Variants in MAGEC3 observed in about 807,000 individuals in gnomAD.
MAGEC3 encodes the protein MAGE family member C3.
MAGEC3 carries 34 observed loss-of-function variants against 35.3 expected under a neutral mutation model. The observed-to-expected ratio is 0.96, with a 90% CI of 0.73 to 1.28. The LOEUF is 1.28. Among genes scored for constraint, MAGEC3 ranks in the 50% most tolerant of loss-of-function variants. The pLI, the probability that MAGEC3 is intolerant of heterozygous loss-of-function variation, is 0.00. For synonymous variants in MAGEC3, 202 were observed against 185.6 expected (o/e 1.09, Z -0.72); for missense variants, 561 against 483.6 (o/e 1.16, Z -1.50).
intron 2 of MAGEC3, among the ~76,000 whole-genome samples, chrX:141,869,141 C>T (rs945934002): frequency 1.8e-5 from 2 of 110,847 alleles, no homozygotes; most frequent in South Asian, 7.5e-4. Flanking sequence ...GCCTCGGTCT[C>T]CCAAAGTGCT....
At position 141,852,333 on chromosome X, in the gene MAGEC3, TG is replaced by T. The variant is rs781200008; in HGVS notation, c.124-13137del. Among the ~76,000 whole-genome samples the T allele has an allele frequency of 4.5e-5, 5 of 110,621 alleles. No homozygotes were observed. In the East Asian group the frequency reaches 1.4e-3, roughly 31 times the overall value. The stretch of plus-strand genomic sequence containing the variant: ...TTATTATATCTAATAATAGTATTTT[TG>T]TGTGTATGTGCGGATCCTTTAGGAT... On this transcript the variant is annotated intron_variant, in intron 1 of 7. Coordinates refer to ENST00000298296, the MANE Select transcript of MAGEC3 (RefSeq NM_138702.1).
At chrX:141,882,673 T>C (rs2017975348) in intron 4 of MAGEC3, among the ~76,000 whole-genome samples, 1 of 112,392 alleles carries the variant, frequency 8.9e-6, no homozygotes, top group Admixed American at 9.4e-5. Flanking sequence ...TAAAAGCATC[T>C]CTGACGGCTT....
chrX:141,882,693 A>C (rs2017975431), intron 4 of MAGEC3, among the ~76,000 whole-genome samples: 1 of 112,359 alleles, frequency 8.9e-6, no homozygotes, highest in African/African-American at 3.2e-5. Flanking sequence ...TTATTTGCCT[A>C]ACATTCTGTG....
Position 141,879,300 on chromosome X carries a change from C to T in MAGEC3, c.384C>T (p.Asp128=). 1.7e-6 allele frequency: 2 copies of T among 1,207,148 alleles called. No homozygotes were observed. Among genetic ancestry groups the T allele is most frequent in the Admixed American group, 4.4e-5 (2 of 45,605 alleles). ...VSVKQREEPQ[D]WPLNEKRTLW... ...TTAAGCAGAGGGAGGAACCCCAGGA[C>T]TGGCCACTCAACGAGAAGAGAACTC... is the stretch of plus-strand genomic sequence containing the variant. Residue 128 remains aspartate, a synonymous_variant, in exon 3 of 8, where the codon GAC becomes GAT. Coordinates refer to ENST00000298296, the MANE Select transcript of MAGEC3 (RefSeq NM_138702.1).
chrX:141,866,679 C>T (rs2017851087), intron 2 of MAGEC3, among the ~76,000 whole-genome samples: 2 of 111,804 alleles, frequency 1.8e-5, no homozygotes, highest in African/African-American at 6.5e-5. Flanking sequence ...AAAAAGTAAC[C>T]ACTAGGGGAT....
chrX:141,852,704 C>G (rs778957253), intron 1 of MAGEC3, among the ~76,000 whole-genome samples: 1 of 110,219 alleles, frequency 9.1e-6, no homozygotes, highest in Non-Finnish European at 1.9e-5. Context: ...GATGATTGTT[C>G]TTTATTCTAT....
intron 2 of MAGEC3, among the ~76,000 whole-genome samples, chrX:141,867,371 A>C (rs1407399181): frequency 9.0e-6 from 1 of 111,616 alleles, no homozygotes; most frequent in Non-Finnish European, 1.9e-5. Context: ...AAGCAGACTC[A>C]GGGAGTATGC....
At chrX:141,866,843 T>C (rs1412778083) in intron 2 of MAGEC3, among the ~76,000 whole-genome samples, 2 of 112,223 alleles carry the variant, frequency 1.8e-5, no homozygotes, top group Non-Finnish European at 3.8e-5. Context: ...ATACTACTTC[T>C]GTACATTTAA....
At chrX:141,868,280 C>T (rs1673770221) in intron 2 of MAGEC3, among the ~76,000 whole-genome samples, 1 of 111,032 alleles carries the variant, frequency 9.0e-6, no homozygotes, top group Non-Finnish European at 1.9e-5. Context: ...TTTTTCTGGG[C>T]TGTTAGGGGT....
At chrX:141,848,300 A>G (rs1057125105) in intron 1 of MAGEC3, among the ~76,000 whole-genome samples, 4 of 110,236 alleles carry the variant, frequency 3.6e-5, no homozygotes, top group African/African-American at 1.3e-4. Flanking sequence ...AGAAAAAAAA[A>G]TGAAAGATGT....
At position 141,857,910 on chromosome X, in the gene MAGEC3, C is replaced by T. The variant is rs1305538993; in HGVS notation, c.124-7561C>T. On this transcript the variant is annotated intron_variant, in intron 1 of 7. Transcript: ENST00000298296. ...ATATTAACTGCTGTATTTTGAGCAC[C>T]TCGAACAGAGTCTATCACATCATAG... 3.6e-5 allele frequency among the ~76,000 whole-genome samples: 4 copies of T among 111,028 alleles called. No homozygotes were observed. In the East Asian group the frequency reaches 1.1e-3, roughly 32 times the overall value.
intron 4 of MAGEC3, 25 bp from the exon 5 acceptor site, chrX:141,895,244 C>T: frequency 1.7e-6 from 2 of 1,198,763 alleles, no homozygotes; most frequent in South Asian, 1.8e-5. Context: ...GAGGAGGCCC[C>T]ACCCCACGCT....
intron 2 of MAGEC3, among the ~76,000 whole-genome samples, chrX:141,875,626 G>T (rs765110521): frequency 1.8e-5 from 2 of 111,865 alleles, no homozygotes; most frequent in Non-Finnish European, 3.8e-5. Flanking sequence ...TCCCAAGAAC[G>T]TTAGTCCCTC....
At chrX:141,839,957 C>G in intron 1 of MAGEC3, 3 of 719,923 alleles carry the variant, frequency 4.2e-6, no homozygotes, top group Non-Finnish European at 4.9e-6. Flanking sequence ...TGTGATGGTG[C>G]TGACAGTGAG....
chrX:141,867,369 T>C (rs1379311170), intron 2 of MAGEC3, among the ~76,000 whole-genome samples: 1 of 111,279 alleles, frequency 9.0e-6, no homozygotes, highest in Non-Finnish European at 1.9e-5. Flanking sequence ...AAAAGCAGAC[T>C]CAGGGAGTAT....
intron 4 of MAGEC3, among the ~76,000 whole-genome samples, chrX:141,882,919 C>T (rs1320061541): frequency 1.8e-5 from 2 of 111,872 alleles, no homozygotes; most frequent in Non-Finnish European, 3.8e-5. Flanking sequence ...TGTGGGGCTT[C>T]GGGAAACTGC....
At chrX:141,869,768 A>G (rs979864996) in intron 2 of MAGEC3, among the ~76,000 whole-genome samples, 1 of 112,385 alleles carries the variant, frequency 8.9e-6, no homozygotes, top group African/African-American at 3.2e-5. Context: ...ACTGACAAAG[A>G]AATTTGGTTA....
chrX:141,889,030 C>T (rs767296338), intron 4 of MAGEC3, among the ~76,000 whole-genome samples: 1 of 112,239 alleles, frequency 8.9e-6, no homozygotes, highest in South Asian at 3.7e-4. Flanking sequence ...TGGTATTCCA[C>T]ACAGTATTGC....
In MAGEC3 at chrX:141,881,619, G is replaced by C; in HGVS notation, c.732G>C (p.Val244=). The change falls in exon 4 of 8, where the codon GTG becomes GTC. Residue 244 remains valine, a synonymous_variant. Transcript: ENST00000298296. ...EILFGISLTE[V]DPDHFYVFVN... ...TTTTTGGCATTTCCCTGACAGAAGT[G>C]GACCCCGACCATTTCTATGTCTTTG... The C allele has an allele frequency of 8.3e-7, 1 of 1,211,440 alleles. No homozygotes were observed. Among genetic ancestry groups the C allele is most frequent in the South Asian group, 1.8e-5 (1 of 56,935 alleles).
Sources: gnomAD v4.1 joint callset for allele counts (sites outside exome capture counted in the v4.1 genomes callset) on GRCh38, gnomAD v4.1.1 for gene constraint, MANE v1.5 for transcripts, NCBI Gene and HGNC (gene_info 2026-07-23, HGNC 2026-07-21) for gene names.